The following SH3RF3 variants were observed in gnomAD, a reference collection of about 807,000 sequenced individuals.
The protein encoded by SH3RF3 is SH3 domain containing ring finger 3, also known as E3 ubiquitin-protein ligase SH3RF3.
Under a neutral mutation model 66.3 loss-of-function variants are expected in SH3RF3, and 29 were observed. The ratio of observed to expected loss-of-function variants is 0.44; its 90% CI spans 0.33 to 0.60. The LOEUF (loss-of-function observed/expected upper bound fraction) is 0.60. Ranked by LOEUF, SH3RF3 falls within the 20% of genes least tolerant of loss-of-function variation. The pLI is 0.04. For missense variants in SH3RF3, 1,194 were observed against 1,190.9 expected, an observed-to-expected ratio of 1.00 and a Z score of -0.04; for synonymous variants, 583 against 532.0, an observed-to-expected ratio of 1.10 and a Z score of -1.32.
chr2:109,483,855 TCC>T (rs928444752), intron 8 of SH3RF3, among the ~76,000 whole-genome samples: 1 of 151,942 alleles, frequency 6.6e-6, no homozygotes, highest in African/African-American at 2.4e-5. Flanking sequence ...AGCCCCACCA[TCC>T]CCTGCTTAGC....
At chr2:109,499,020 C>T (rs1374164927) in intron 9 of SH3RF3, among the ~76,000 whole-genome samples, 1 of 152,156 alleles carries the variant, frequency 6.6e-6, no homozygotes, top group East Asian at 1.9e-4. Context: ...GTGGCCCCTC[C>T]TCTGAGAGGG....
intron 5 of SH3RF3, among the ~76,000 whole-genome samples, chr2:109,424,038 G>A (rs1223080159): frequency 2.0e-5 from 3 of 152,226 alleles, no homozygotes; most frequent in Non-Finnish European, 4.4e-5. Flanking sequence ...GGAAGGAGCT[G>A]CAGGCCCTGG....
intron 1 of SH3RF3, among the ~76,000 whole-genome samples, chr2:109,238,483 G>C (rs1223010188): frequency 6.6e-6 from 1 of 151,324 alleles, no homozygotes; most frequent in Non-Finnish European, 1.5e-5. Context: ...GTGTGTGTGT[G>C]TGTGTGTGTG....
intron 1 of SH3RF3, among the ~76,000 whole-genome samples, chr2:109,242,528 G>A (rs1193847799): frequency 6.6e-6 from 1 of 152,194 alleles, no homozygotes; most frequent in East Asian, 1.9e-4. Context: ...GGAGTGAATG[G>A]CAACAAGGCC....
At chr2:109,360,244 A>G (rs1039064320) in intron 2 of SH3RF3, among the ~76,000 whole-genome samples, 8 of 152,198 alleles carry the variant, frequency 5.3e-5, no homozygotes, top group Non-Finnish European at 1.5e-5. Context: ...TGTATTAATA[A>G]TATGTCATAT....
At chr2:109,154,298 C>T (rs527581606) in intron 1 of SH3RF3, among the ~76,000 whole-genome samples, 2 of 152,196 alleles carry the variant, frequency 1.3e-5, no homozygotes, top group African/African-American at 2.4e-5. Context: ...AGGAAGGGAG[C>T]CCCTGTTTCC....
intron 8 of SH3RF3, among the ~76,000 whole-genome samples, chr2:109,488,875 A>C (rs1051093602): frequency 1.1e-4 from 16 of 152,184 alleles, no homozygotes; most frequent in African/African-American, 3.4e-4. Context: ...CAGAGGGGAG[A>C]TAGGCCGGGA....
intron 3 of SH3RF3, among the ~76,000 whole-genome samples, chr2:109,388,709 A>T (rs972986913): frequency 6.6e-6 from 1 of 152,242 alleles, no homozygotes. Flanking sequence ...CATCTGTGAA[A>T]TGAGACCCCT....
intron 1 of SH3RF3, among the ~76,000 whole-genome samples, chr2:109,231,288 A>G (rs1350324549): frequency 1.3e-5 from 2 of 152,200 alleles, no homozygotes; most frequent in Non-Finnish European, 2.9e-5. Context: ...TGGTGGGTGG[A>G]TGTGGGAGAG....
At chr2:109,487,513 G>T (rs888084340) in intron 8 of SH3RF3, among the ~76,000 whole-genome samples, 1 of 152,218 alleles carries the variant, frequency 6.6e-6, no homozygotes, top group African/African-American at 2.4e-5. Context: ...TGACATCAGC[G>T]TTTTTCCAAG....
At chr2:109,452,861 C>T (rs1388276293) in intron 8 of SH3RF3, among the ~76,000 whole-genome samples, 8 of 132,434 alleles carry the variant, frequency 6.0e-5, no homozygotes, top group African/African-American at 1.5e-4. Context: ...AGGCTGGTCC[C>T]GGGAGGCTGG....
chr2:109,409,624 T>C (rs921007263), intron 4 of SH3RF3, among the ~76,000 whole-genome samples: 1 of 152,094 alleles, frequency 6.6e-6, no homozygotes, highest in African/African-American at 2.4e-5. Flanking sequence ...TGAAGTTATG[T>C]GGGCAGAAGG....
intron 1 of SH3RF3, among the ~76,000 whole-genome samples, chr2:109,275,390 A>G (rs1680729677): frequency 6.6e-6 from 1 of 152,164 alleles, no homozygotes; most frequent in African/African-American, 2.4e-5. Flanking sequence ...GGTTAGTGTG[A>G]TGTGGCCTGA....
chr2:109,452,186 C>T (rs992577683), intron 8 of SH3RF3, among the ~76,000 whole-genome samples: 7 of 152,244 alleles, frequency 4.6e-5, no homozygotes, highest in Admixed American at 4.6e-4. Flanking sequence ...TTTTAGTCCA[C>T]TGCTCAGAAG....
intron 1 of SH3RF3, among the ~76,000 whole-genome samples, chr2:109,133,012 A>G (rs1676732440): frequency 6.6e-6 from 1 of 152,250 alleles, no homozygotes; most frequent in Non-Finnish European, 1.5e-5. Flanking sequence ...CATCTTCTGC[A>G]GTTCATGTAG....
chr2:109,379,685 C>T (rs1212684241), intron 3 of SH3RF3, among the ~76,000 whole-genome samples: 1 of 152,172 alleles, frequency 6.6e-6, no homozygotes, highest in Non-Finnish European at 1.5e-5. Flanking sequence ...TGGAAGGGAT[C>T]CCCCAGCCTT....
chr2:109,415,970 A>G (rs1025339395), intron 4 of SH3RF3, among the ~76,000 whole-genome samples: 3 of 152,088 alleles, frequency 2.0e-5, no homozygotes, highest in Admixed American at 6.5e-5. Context: ...GTGGCTTTCT[A>G]AGAAGCAGCA....
rs1291627250 is a variant in SH3RF3, at chr2:109,337,438, C to T, written c.574-10236C>T. Among the ~76,000 whole-genome samples the T allele has an allele frequency of 2.0e-5, 3 of 152,190 alleles. No individual in the cohort carries two copies. The East Asian group carries it at 5.8e-4, about 29-fold the overall frequency. On this transcript the variant is annotated intron_variant, in intron 1 of 9. Coordinates refer to ENST00000309415, the MANE Select transcript of SH3RF3 (RefSeq NM_001099289.3). The stretch of plus-strand genomic sequence containing the variant: ...CCTTAGCGCCTTGCACTGTGGCCAC[C>T]CCCTCGCATATGGCGAAATGTTTTC...
intron 1 of SH3RF3, among the ~76,000 whole-genome samples, chr2:109,269,615 T>C (rs1680580665): frequency 2.0e-5 from 3 of 152,054 alleles, no homozygotes; most frequent in Non-Finnish European, 2.9e-5. Context: ...ACCCCATCTC[T>C]ACTAAAAATA....
Sources: allele counts gnomAD v4.1 joint callset (sites outside exome capture counted in the v4.1 genomes callset), GRCh38; gene constraint gnomAD v4.1.1; transcripts MANE v1.5; gene names NCBI Gene and HGNC (gene_info 2026-07-23, HGNC 2026-07-21).